The following GTF2I variants were observed in gnomAD, a reference collection of about 807,000 sequenced individuals.
The protein encoded by GTF2I is general transcription factor II-I.
Under a neutral mutation model 67.6 loss-of-function variants are expected in GTF2I, and 12 were observed. The observed-to-expected ratio is 0.18, with a 90% confidence interval of 0.11 to 0.29. The LOEUF (loss-of-function observed/expected upper bound fraction) is 0.29, where lower values mean the gene tolerates loss of function less well. Among genes scored for constraint, GTF2I ranks in the 10% least tolerant of loss-of-function variants. The pLI is 1.00. For synonymous variants in GTF2I, 149 were observed against 197.0 expected (o/e 0.76, Z 2.04); for missense variants, 271 against 580.1 (o/e 0.47, Z 5.47).
chr7:74,722,159 A>C (rs1433973358), intron 12 of GTF2I, among the ~76,000 whole-genome samples: 3 of 152,184 alleles, frequency 2.0e-5, no homozygotes, highest in Non-Finnish European at 4.4e-5. Context: ...GAAGTGGCTA[A>C]TTTGACACCG....
intron 1 of GTF2I, among the ~76,000 whole-genome samples, chr7:74,670,073 G>A (rs1554390074): frequency 6.6e-6 from 1 of 152,118 alleles, no homozygotes; most frequent in African/African-American, 2.4e-5. Context: ...CTTGGATTTG[G>A]TGAGTTTTTA....
chr7:74,689,188 G>A lies in GTF2I; in HGVS notation c.60G>A (p.Arg20=). 1 of 1,612,528 alleles carries A rather than the reference G, an allele frequency of 6.2e-7. No homozygotes were observed. The highest frequency in any genetic ancestry group is 1.7e-4 in the Middle Eastern group (1 of 5,994). The change falls in exon 2 of 35, where the codon AGG becomes AGA. Residue 20 remains arginine (R), a synonymous_variant. Coordinates refer to ENST00000573035, the MANE Select transcript of GTF2I (RefSeq NM_032999.4). ...PVEDEESSES[R]MVVTFLMSAL... Reference sequence around the variant, plus strand: ...AAGATGAGGAGTCCTCGGAGAGCAGGATGGTGGTGACATTCCTCATGTCAG... The same window carrying A: ...AAGATGAGGAGTCCTCGGAGAGCAGAATGGTGGTGACATTCCTCATGTCAG...
chr7:74,682,145 C>T (rs1554394311), intron 1 of GTF2I, among the ~76,000 whole-genome samples: 1 of 152,158 alleles, frequency 6.6e-6, no homozygotes, highest in South Asian at 2.1e-4. Flanking sequence ...TAAAAGTTCT[C>T]TTTTGTACTT....
chr7:74,693,495 C>T (rs950020500), intron 3 of GTF2I, among the ~76,000 whole-genome samples: 5 of 151,928 alleles, frequency 3.3e-5, no homozygotes, highest in Non-Finnish European at 5.9e-5. Context: ...CTTCACCAAT[C>T]GCCTGGTCCC....
intron 1 of GTF2I, among the ~76,000 whole-genome samples, chr7:74,677,901 G>C (rs989344308): frequency 6.6e-5 from 10 of 151,172 alleles, no homozygotes; most frequent in Non-Finnish European, 1.5e-5. Flanking sequence ...AGAAAACCAA[G>C]AAAGAGAGAA....
chr7:74,691,780 CTT>C (rs1163590521), intron 3 of GTF2I, among the ~76,000 whole-genome samples: 5 of 143,714 alleles, frequency 3.5e-5, no homozygotes, highest in Admixed American at 7.0e-5. Flanking sequence ...TTTTCTTTTT[CTT>C]TTTTTTTTTT....
intron 1 of GTF2I, among the ~76,000 whole-genome samples, chr7:74,677,537 T>TTGGGAGG (rs1806003111): frequency 1.3e-5 from 2 of 151,876 alleles, no homozygotes; most frequent in Admixed American, 6.6e-5. Context: ...GTGTGGCACT[T>TTGGGAGG]TGGGAGGCTG....
intron 26 of GTF2I, among the ~76,000 whole-genome samples, chr7:74,750,593 C>CTTTTTTTTTTTTTTTTTTTTTTTTTT (rs782022584): frequency 1.4e-5 from 1 of 68,996 alleles, no homozygotes. Context: ...AAGCTGGCCA[C>CTTTTTTTTTTTTTTTTTTTTTTTTTT]TTTTTTTTTT....
intron 3 of GTF2I, among the ~76,000 whole-genome samples, chr7:74,697,640 G>A (rs947889051): frequency 6.6e-6 from 1 of 152,092 alleles, no homozygotes; most frequent in Non-Finnish European, 1.5e-5. Context: ...CAAGGGTACT[G>A]GTATGTAGTA....
At chr7:74,685,296 G>A (rs1174350750) in intron 1 of GTF2I, among the ~76,000 whole-genome samples, 1 of 152,210 alleles carries the variant, frequency 6.6e-6, no homozygotes, top group Non-Finnish European at 1.5e-5. Context: ...ACGAGTTCCA[G>A]ACCAGCCTGA....
chr7:74,704,537 C>G lies in GTF2I; in HGVS notation c.587-627C>G, dbSNP rs587728411. Among the ~76,000 whole-genome samples the G allele has an allele frequency of 8.5e-5, 13 of 152,152 alleles. No homozygotes were observed. The South Asian group carries it at 2.7e-3, about 32-fold the overall frequency. On this transcript the variant is annotated intron_variant, in intron 6 of 34. Transcript: ENST00000573035. The stretch of plus-strand genomic sequence containing the variant: ...CAAACCCCTGACCTCAAGCAATCTA[C>G]CCATCTCAGCCTCCCAAAGTGCTGG...
At chr7:74,711,214 G>A in intron 9 of GTF2I, 105 bp downstream of exon 9, 2 of 557,594 alleles carry the variant, frequency 3.6e-6, no homozygotes, top group Non-Finnish European at 6.4e-6. Context: ...TTATTGATCA[G>A]TTCTTGATTG....
At chr7:74,683,804 G>A (rs758852494) in intron 1 of GTF2I, among the ~76,000 whole-genome samples, 9 of 152,198 alleles carry the variant, frequency 5.9e-5, no homozygotes, top group East Asian at 1.9e-4. Context: ...AGTGAGCCAG[G>A]ATCGTGCCAC....
chr7:74,672,077 C>G (rs1562938695), intron 1 of GTF2I, among the ~76,000 whole-genome samples: 1 of 151,346 alleles, frequency 6.6e-6, no homozygotes, highest in Non-Finnish European at 1.5e-5. Flanking sequence ...ACTTGCCATT[C>G]ATATATATGT....
intron 1 of GTF2I, among the ~76,000 whole-genome samples, chr7:74,675,548 TG>T (rs1318765164): frequency 6.6e-6 from 1 of 152,154 alleles, no homozygotes; most frequent in Non-Finnish European, 1.5e-5. Flanking sequence ...TTTGAGAGGC[TG>T]TTTTTTTTGG....
At chr7:74,711,949 CTTT>C (rs587731254) in intron 9 of GTF2I, among the ~76,000 whole-genome samples, 8 of 134,108 alleles carry the variant, frequency 6.0e-5, no homozygotes, top group Admixed American at 7.5e-5. Flanking sequence ...TCATTTCTCT[CTTT>C]TTTTTTTTTT....
At chr7:74,678,624 C>G (rs191620656) in intron 1 of GTF2I, among the ~76,000 whole-genome samples, 1 of 152,072 alleles carries the variant, frequency 6.6e-6, no homozygotes, top group East Asian at 1.9e-4. Flanking sequence ...TTTTAGGTGG[C>G]GAGTCAAGGT....
intron 1 of GTF2I, among the ~76,000 whole-genome samples, chr7:74,658,400 A>T (rs1178850439): frequency 7.1e-6 from 1 of 141,448 alleles, no homozygotes; most frequent in African/African-American, 2.6e-5. Context: ...GCGCGCGCCG[A>T]CCGGCGTGCG....
At chr7:74,732,967 A>T in intron 15 of GTF2I, among the ~76,000 whole-genome samples, 1 of 151,506 alleles carries the variant, frequency 6.6e-6, no homozygotes, top group Non-Finnish European at 1.5e-5. Context: ...CCTGATATAT[A>T]TATATATTTT....
Sources: allele counts gnomAD v4.1 joint callset (sites outside exome capture counted in the v4.1 genomes callset), GRCh38; gene constraint gnomAD v4.1.1; transcripts MANE v1.5; gene names NCBI Gene and HGNC (gene_info 2026-07-23, HGNC 2026-07-21).